TMOD1: variants seen among roughly 807,000 people sequenced by gnomAD.
TMOD1 encodes the protein tropomodulin-1.
A neutral mutation model predicts 40.6 loss-of-function variants in TMOD1; 17 were observed. The observed-to-expected ratio is 0.42, with a 90% confidence interval of 0.29 to 0.63. The LOEUF (loss-of-function observed/expected upper bound fraction) is 0.63, where lower values mean the gene tolerates loss of function less well. Among genes scored for constraint, TMOD1 ranks in the 20% least tolerant of loss-of-function variants. The probability of loss-of-function intolerance (pLI) is 0.22; values close to 1 mark genes in which losing one functional copy is unlikely to be tolerated. For missense variants in TMOD1, 391 were observed against 447.6 expected, an observed-to-expected ratio of 0.87 and a Z score of 1.14; for synonymous variants, 181 against 175.0, an observed-to-expected ratio of 1.03 and a Z score of -0.27.
intron 4 of TMOD1, among the ~76,000 whole-genome samples, chr9:97,560,667 T>TTA (rs1554683161): frequency 9.9e-6 from 1 of 101,268 alleles, no homozygotes; most frequent in Non-Finnish European, 2.1e-5. Flanking sequence ...ATTTTTTGTA[T>TTA]TGTATATATA....
chr9:97,587,471 CATG>C lies in TMOD1; in HGVS notation c.871-3816_871-3814del, dbSNP rs775353602. 7.1e-4 allele frequency among the ~76,000 whole-genome samples: 108 copies of C among 152,226 alleles called. 1 individual carries two copies. Among genetic ancestry groups the C allele is most frequent in the Non-Finnish European group, 6.6e-4 (45 of 68,010 alleles). On this transcript the variant is annotated intron_variant, in intron 8 of 9. Transcript: ENST00000259365. Reference sequence around the variant, plus strand: ...TTTGATTTGCATTTCTGTGATAGGTCATGATGTTGAACATCTTGTCATGTGATT... The same window carrying C: ...TTTGATTTGCATTTCTGTGATAGGTCATGTTGAACATCTTGTCATGTGATT...
At chr9:97,571,082 T>G (rs1249235560) in intron 8 of TMOD1, among the ~76,000 whole-genome samples, 1 of 152,120 alleles carries the variant, frequency 6.6e-6, no homozygotes, top group Non-Finnish European at 1.5e-5. Flanking sequence ...GCAGAGCAGA[T>G]GGAACAAAGG....
intron 3 of TMOD1, among the ~76,000 whole-genome samples, chr9:97,546,962 A>G (rs1328148541): frequency 6.7e-6 from 1 of 149,668 alleles, no homozygotes; most frequent in African/African-American, 2.5e-5. Context: ...AGACATCAGG[A>G]CATGAAGCCT....
intron 1 of TMOD1, among the ~76,000 whole-genome samples, chr9:97,521,293 C>G (rs879697724): frequency 1.3e-5 from 2 of 152,174 alleles, no homozygotes; most frequent in Non-Finnish European, 2.9e-5. Flanking sequence ...TACCCACATA[C>G]CAACATTTTT....
intron 1 of TMOD1, among the ~76,000 whole-genome samples, chr9:97,514,999 T>C (rs913910): frequency 0.55 from 83,195 of 151,944 alleles, 23,165 homozygotes; most frequent in Middle Eastern, 0.64. Flanking sequence ...TCTTGTGCAG[T>C]ACACGGACAC....
At chr9:97,509,140 C>G (rs965469511) in intron 1 of TMOD1, among the ~76,000 whole-genome samples, 2 of 152,204 alleles carry the variant, frequency 1.3e-5, no homozygotes, top group Admixed American at 6.5e-5. Flanking sequence ...GTCCTCTGAA[C>G]TGAGACAGAG....
chr9:97,545,449 A>C (rs1375485965), intron 2 of TMOD1, among the ~76,000 whole-genome samples: 1 of 152,262 alleles, frequency 6.6e-6, no homozygotes, highest in Admixed American at 6.5e-5. Flanking sequence ...TTATGTTTGA[A>C]GAAGAGAAGG....
Position 97,591,366 on chromosome 9 carries a change from G to T in TMOD1, c.946G>T (p.Gly316Cys). The change falls in exon 9 of 10, where the codon GGC becomes TGC. Residue 316 changes from glycine to cysteine, a missense_variant. Transcript: ENST00000259365. Reference protein sequence around the residue: ...LEKNATLLKFGYHFTQQGPRL... With the variant: ...LEKNATLLKFCYHFTQQGPRL... ...AAAAAACGCAACACTTCTCAAATTC[G>T]GCTACCACTTTACCCAGCAAGGACC... is the stretch of plus-strand genomic sequence containing the variant. 2 of 1,614,062 alleles carry T rather than the reference G, an allele frequency of 1.2e-6. No homozygotes were observed. The highest frequency in any genetic ancestry group is 2.2e-5 in the South Asian group (2 of 91,078).
chr9:97,582,921 A>G (rs867205280), intron 8 of TMOD1, among the ~76,000 whole-genome samples: 19 of 151,278 alleles, frequency 1.3e-4, no homozygotes, highest in South Asian at 8.3e-4. Context: ...GGGGTTTTCT[A>G]GAAATACAAT....
At chr9:97,575,965 T>C (rs968723303) in intron 8 of TMOD1, among the ~76,000 whole-genome samples, 6 of 152,234 alleles carry the variant, frequency 3.9e-5, no homozygotes, top group African/African-American at 9.6e-5. Flanking sequence ...CCTAGCAGTT[T>C]TGATTTCCGT....
At chr9:97,567,600 T>C (rs375741700) in intron 7 of TMOD1, among the ~76,000 whole-genome samples, 13 of 152,188 alleles carry the variant, frequency 8.5e-5, no homozygotes, top group African/African-American at 3.1e-4. Context: ...TGATTTTTTT[T>C]ATTAGATTTG....
intron 1 of TMOD1, among the ~76,000 whole-genome samples, chr9:97,514,242 G>GT (rs1272661116): frequency 3.0e-5 from 3 of 100,022 alleles, no homozygotes; most frequent in Admixed American, 9.7e-5. Flanking sequence ...TTTTTTTTTG[G>GT]GGGGGGGGTT....
intron 2 of TMOD1, among the ~76,000 whole-genome samples, chr9:97,538,209 C>T (rs16921672): frequency 0.014 from 2,151 of 152,256 alleles, 81 homozygotes; most frequent in East Asian, 0.12. Context: ...ATTTCCTCCT[C>T]CTTAAAACCT....
chr9:97,524,353 C>T (rs1185671039), intron 2 of TMOD1, 45 bp downstream of exon 2: 1 of 1,596,570 alleles, frequency 6.3e-7, no homozygotes, highest in Non-Finnish European at 8.5e-7. Context: ...AGCGAGGGGA[C>T]CTGGGGAGGG....
intron 1 of TMOD1, among the ~76,000 whole-genome samples, chr9:97,512,310 T>C (rs556129673): frequency 1.3e-5 from 2 of 152,342 alleles, no homozygotes; most frequent in African/African-American, 4.8e-5. Context: ...CTATCATACA[T>C]TGTTGGTAGA....
chr9:97,535,299 G>A (rs1172546189), intron 2 of TMOD1, among the ~76,000 whole-genome samples: 2 of 152,158 alleles, frequency 1.3e-5, no homozygotes, highest in Admixed American at 1.3e-4. Flanking sequence ...TGGAACGAGG[G>A]TGATGCCCAC....
At chr9:97,544,338 C>T (rs938940003) in intron 2 of TMOD1, among the ~76,000 whole-genome samples, 3 of 152,114 alleles carry the variant, frequency 2.0e-5, no homozygotes, top group Non-Finnish European at 4.4e-5. Flanking sequence ...GAGTTCAAGA[C>T]CAGCCTAGCC....
chr9:97,583,799 G>A (rs1474845950), intron 8 of TMOD1, among the ~76,000 whole-genome samples: 7 of 144,804 alleles, frequency 4.8e-5, no homozygotes, highest in Admixed American at 1.4e-4. Context: ...AGAGGTGTTT[G>A]TAGTATTCTC....
intron 2 of TMOD1, among the ~76,000 whole-genome samples, chr9:97,534,223 GCTTT>G (rs1830145538): frequency 6.6e-6 from 1 of 152,154 alleles, no homozygotes; most frequent in South Asian, 2.1e-4. Flanking sequence ...AAAAGTGGAG[GCTTT>G]CTTTTATTGC....
Sources: allele counts gnomAD v4.1 joint callset (sites outside exome capture counted in the v4.1 genomes callset), GRCh38; gene constraint gnomAD v4.1.1; transcripts MANE v1.5; gene names NCBI Gene and HGNC (gene_info 2026-07-23, HGNC 2026-07-21).